The following CHSY3 variants were observed in gnomAD, a reference collection of about 807,000 sequenced individuals.
CHSY3 encodes the protein chondroitin sulfate synthase 3, also known as N-acetylgalactosaminyl-proteoglycan 3-beta-glucuronosyltransferase 3.
In CHSY3, 35 loss-of-function variants were observed where a neutral mutation model predicts 67.2. The observed-to-expected ratio is 0.52, with a 90% CI of 0.40 to 0.69. CHSY3 has a LOEUF of 0.69. CHSY3 is among the 30% of genes least tolerant of loss of function. The probability of loss-of-function intolerance (pLI) is 0.00; values close to 1 mark genes in which losing one functional copy is unlikely to be tolerated. For synonymous variants in CHSY3, 474 were observed against 434.7 expected, an observed-to-expected ratio of 1.09 and a Z score of -1.12; for missense variants, 1,069 against 1,138.5, an observed-to-expected ratio of 0.94 and a Z score of 0.88.
chr5:129,954,777 T>C (rs1762122053), intron 2 of CHSY3, among the ~76,000 whole-genome samples: 1 of 152,192 alleles, frequency 6.6e-6, no homozygotes, highest in Non-Finnish European at 1.5e-5. Context: ...GATTTGGCTC[T>C]CTGTCTGTTA....
At chr5:130,055,411 A>T (rs752350385) in intron 2 of CHSY3, among the ~76,000 whole-genome samples, 8,478 of 152,138 alleles carry the variant, frequency 0.056, 357 homozygotes, top group Non-Finnish European at 0.082. Context: ...ATTAATAACT[A>T]GTGTATAGAT....
intron 2 of CHSY3, among the ~76,000 whole-genome samples, chr5:130,178,253 A>ATATATT (rs1205782386): frequency 0.037 from 1,697 of 45,854 alleles, 48 homozygotes; most frequent in Non-Finnish European, 0.048. Context: ...ATATATATAT[A>ATATATT]TTTTTTTTTT....
intron 2 of CHSY3, 65 bp from the exon 3 acceptor site, chr5:130,184,164 C>T (rs1196262570): frequency 3.0e-6 from 4 of 1,349,308 alleles, no homozygotes; most frequent in Admixed American, 6.4e-5. Context: ...TTTAGTTTAT[C>T]GCTGGTTTTC....
At chr5:129,937,041 C>T (rs918944984) in intron 2 of CHSY3, among the ~76,000 whole-genome samples, 1 of 152,220 alleles carries the variant, frequency 6.6e-6, no homozygotes, top group African/African-American at 2.4e-5. Context: ...TTCTCACTCT[C>T]GTTCTCTTTT....
At chr5:130,138,979 T>A (rs1053658876) in intron 2 of CHSY3, among the ~76,000 whole-genome samples, 2 of 152,196 alleles carry the variant, frequency 1.3e-5, no homozygotes, top group African/African-American at 2.4e-5. Context: ...AATATAGATG[T>A]TACAACCTAC....
At chr5:129,977,067 G>T (rs1485668150) in intron 2 of CHSY3, among the ~76,000 whole-genome samples, 1 of 151,836 alleles carries the variant, frequency 6.6e-6, no homozygotes, top group Non-Finnish European at 1.5e-5. Flanking sequence ...TTTATACCTC[G>T]AATCTGAAAA....
chr5:130,120,712 C>T (rs1431661880), intron 2 of CHSY3, among the ~76,000 whole-genome samples: 3 of 151,838 alleles, frequency 2.0e-5, no homozygotes, highest in Non-Finnish European at 4.4e-5. Context: ...GATTTGTTGT[C>T]AGGATTAACT....
chr5:130,080,127 A>G lies in CHSY3; in HGVS notation c.1087-104102A>G, dbSNP rs536430306. ...ACATACACTTAAATATATACATAAA[A>G]TGTATATCTATCATGCTACTGTTTC... On this transcript the variant is annotated intron_variant, in intron 2 of 2. Transcript: ENST00000305031. Among the ~76,000 whole-genome samples the G allele has an allele frequency of 2.8e-3, 424 of 152,032 alleles. 2 individuals carry two copies. Among genetic ancestry groups the G allele is most frequent in the African/African-American group, 9.8e-3 (406 of 41,494 alleles).
intron 2 of CHSY3, among the ~76,000 whole-genome samples, chr5:129,946,666 T>C (rs1348198926): frequency 6.6e-6 from 1 of 152,224 alleles, no homozygotes; most frequent in Non-Finnish European, 1.5e-5. Context: ...TTGACTCTTT[T>C]AGATTCCACA....
intron 2 of CHSY3, among the ~76,000 whole-genome samples, chr5:130,172,845 A>C (rs577548901): frequency 6.6e-6 from 1 of 152,306 alleles, no homozygotes; most frequent in East Asian, 1.9e-4. Context: ...AAGTGGAATC[A>C]TAGAGTATTT....
intron 2 of CHSY3, among the ~76,000 whole-genome samples, chr5:129,920,103 A>G (rs1261156947): frequency 1.3e-5 from 2 of 152,028 alleles, no homozygotes; most frequent in South Asian, 2.1e-4. Flanking sequence ...TCATCCCCCT[A>G]TTTACCCCAC....
At chr5:130,163,646 A>G (rs377620897) in intron 2 of CHSY3, among the ~76,000 whole-genome samples, 9 of 152,306 alleles carry the variant, frequency 5.9e-5, no homozygotes, top group Middle Eastern at 3.4e-3. Context: ...AATTATCTCA[A>G]TACTAATCAC....
chr5:130,016,380 A>G (rs923615981), intron 2 of CHSY3, among the ~76,000 whole-genome samples: 4 of 152,214 alleles, frequency 2.6e-5, no homozygotes, highest in Admixed American at 2.6e-4. Context: ...ATTTTCAAAT[A>G]ACATCATTAT....
At chr5:130,115,269 C>G (rs1040519231) in intron 2 of CHSY3, among the ~76,000 whole-genome samples, 1 of 151,716 alleles carries the variant, frequency 6.6e-6, no homozygotes, top group African/African-American at 2.4e-5. Context: ...ATACAGAGAA[C>G]ATAATCATCT....
At chr5:129,953,764 G>A (rs193229714) in intron 2 of CHSY3, among the ~76,000 whole-genome samples, 251 of 152,158 alleles carry the variant, frequency 1.6e-3, no homozygotes, top group African/African-American at 5.9e-3. Context: ...TTTGTTGGCC[G>A]CATAAGTGTC....
At chr5:129,916,301 A>G (rs143899622) in intron 2 of CHSY3, among the ~76,000 whole-genome samples, 6 of 152,306 alleles carry the variant, frequency 3.9e-5, no homozygotes, top group Middle Eastern at 6.8e-3. Context: ...AGAGGAGGGT[A>G]GACATTAAAT....
At position 130,153,567 on chromosome 5, in the gene CHSY3, T is replaced by C. The variant is rs374907902; in HGVS notation, c.1087-30662T>C. 2.1e-3 allele frequency among the ~76,000 whole-genome samples: 323 copies of C among 152,136 alleles called. 6 individuals are homozygous for C. In the South Asian group the frequency reaches 0.036, roughly 17 times the overall value. On this transcript the variant is annotated intron_variant, in intron 2 of 2. Transcript: ENST00000305031. Reference sequence around the variant, plus strand: ...AGCCTTTTTTCATTGCTCCAACAGGTAGTCCCTTTTTAATTTACAGCTCCT... The same window carrying C: ...AGCCTTTTTTCATTGCTCCAACAGGCAGTCCCTTTTTAATTTACAGCTCCT...
chr5:129,940,445 T>C (rs1761662204), intron 2 of CHSY3, among the ~76,000 whole-genome samples: 1 of 152,146 alleles, frequency 6.6e-6, no homozygotes. Flanking sequence ...TGTACAAGTA[T>C]TGTTTTTAGG....
At chr5:130,088,832 G>A (rs1272039538) in intron 2 of CHSY3, among the ~76,000 whole-genome samples, 2 of 152,046 alleles carry the variant, frequency 1.3e-5, no homozygotes, top group Non-Finnish European at 2.9e-5. Context: ...CAGGGATCTA[G>A]AACTAGAAAT....
Sources: gnomAD v4.1 joint callset for allele counts (sites outside exome capture counted in the v4.1 genomes callset) on GRCh38, gnomAD v4.1.1 for gene constraint, MANE v1.5 for transcripts, NCBI Gene and HGNC (gene_info 2026-07-23, HGNC 2026-07-21) for gene names.